ARID1B: variants seen among roughly 807,000 people sequenced by gnomAD.
The protein encoded by ARID1B is AT-rich interaction domain 1B.
ARID1B carries 30 observed loss-of-function variants against 212.3 expected under a neutral mutation model. The ratio of observed to expected loss-of-function variants is 0.14; its 90% CI spans 0.11 to 0.19. The LOEUF is 0.19. ARID1B is among the 10% of genes least tolerant of loss of function. ARID1B has a pLI of 1.00. For missense variants in ARID1B, 2,891 were observed against 3,204.0 expected, an observed-to-expected ratio of 0.90 and a Z score of 2.36; for synonymous variants, 1,402 against 1,301.7, an observed-to-expected ratio of 1.08 and a Z score of -1.66.
chr6:157,123,731 A>T (rs925304740), intron 6 of ARID1B, among the ~76,000 whole-genome samples: 3 of 152,278 alleles, frequency 2.0e-5, no homozygotes, highest in African/African-American at 7.2e-5. Flanking sequence ...TGCATTAAAA[A>T]TAATATGAAT....
intron 6 of ARID1B, among the ~76,000 whole-genome samples, chr6:157,127,289 A>G (rs1473088354): frequency 2.0e-5 from 3 of 152,214 alleles, no homozygotes; most frequent in African/African-American, 4.8e-5. Flanking sequence ...CGTGGAGGCC[A>G]GGATGAGATC....
At chr6:157,106,469 C>T (rs1786492701) in intron 5 of ARID1B, among the ~76,000 whole-genome samples, 1 of 152,204 alleles carries the variant, frequency 6.6e-6, no homozygotes. Flanking sequence ...TCCTGAGATT[C>T]TGGAGGCCTC....
intron 16 of ARID1B, among the ~76,000 whole-genome samples, chr6:157,198,010 A>C (rs1279218660): frequency 6.6e-6 from 1 of 152,240 alleles, no homozygotes; most frequent in African/African-American, 2.4e-5. Context: ...GAATATATTC[A>C]GTCCATTGTT....
At chr6:156,842,925 T>A (rs1783996363) in intron 2 of ARID1B, among the ~76,000 whole-genome samples, 1 of 152,264 alleles carries the variant, frequency 6.6e-6, no homozygotes, top group Non-Finnish European at 1.5e-5. Flanking sequence ...ATTCTGCCTT[T>A]CTATTAGATA....
chr6:156,901,518 C>T lies in ARID1B; in HGVS notation c.2129C>T (p.Pro710Leu), dbSNP rs558155146. The T allele has an allele frequency of 8.1e-6, 13 of 1,613,378 alleles. No homozygotes were observed. Among genetic ancestry groups the T allele is most frequent in the Middle Eastern group, 3.3e-4 (2 of 6,066 alleles). Residue 710 changes from proline (P) to leucine (L), a missense_variant, in exon 3 of 20, where the codon CCG becomes CTG. This residue lies in a region of ARID1B where 1,643 missense variants were observed against 1,544.0 expected (regional missense o/e 1.06). Coordinates refer to ENST00000636930, the MANE Select transcript of ARID1B (RefSeq NM_001374828.1). ...LPSQSQQRYQPQQDMSQEGYG... is the reference protein window; with the variant it reads ...LPSQSQQRYQLQQDMSQEGYG... Reference sequence around the variant, plus strand: ...TCCCAGTCCCAGCAGAGGTACCAGCCGCAGCAGGTGAGCACAGTGCACTGC... The same window carrying T: ...TCCCAGTCCCAGCAGAGGTACCAGCTGCAGCAGGTGAGCACAGTGCACTGC...
intron 2 of ARID1B, among the ~76,000 whole-genome samples, chr6:156,843,975 T>C (rs1355744675): frequency 2.0e-5 from 3 of 152,112 alleles, no homozygotes; most frequent in Admixed American, 2.0e-4. Context: ...TGGATCTTGC[T>C]GTAGGAGTTT....
In ARID1B at chr6:157,111,628, G is replaced by T. The variant is rs549895672; in HGVS notation, c.2581+1067G>T. Reference sequence around the variant, plus strand: ...GATTTGCTTCTGATTAGAATTATGAGGTTTAAGTTATTTTACATGTTACAA... The same window carrying T: ...GATTTGCTTCTGATTAGAATTATGATGTTTAAGTTATTTTACATGTTACAA... On this transcript the variant is annotated intron_variant, in intron 6 of 19. Coordinates refer to ENST00000636930, the MANE Select transcript of ARID1B (RefSeq NM_001374828.1). 2.0e-5 allele frequency among the ~76,000 whole-genome samples: 3 copies of T among 152,098 alleles called. No individual in the cohort carries two copies. In the East Asian group the frequency reaches 5.8e-4, roughly 29 times the overall value.
chr6:157,128,969 T>A (rs903064842), intron 6 of ARID1B, among the ~76,000 whole-genome samples: 2 of 152,226 alleles, frequency 1.3e-5, no homozygotes, highest in Admixed American at 6.5e-5. Context: ...TGTACACAGT[T>A]ACCCAAGTGC....
At chr6:156,848,863 G>A (rs1378861954) in intron 2 of ARID1B, among the ~76,000 whole-genome samples, 2 of 152,180 alleles carry the variant, frequency 1.3e-5, no homozygotes, top group African/African-American at 4.8e-5. Context: ...AATAAAAGAC[G>A]AGTCATCTGA....
intron 4 of ARID1B, among the ~76,000 whole-genome samples, chr6:157,005,135 G>T (rs547833620): frequency 8.7e-4 from 53 of 60,754 alleles, no homozygotes; most frequent in African/African-American, 1.2e-3. Flanking sequence ...GCTGTTTTTT[G>T]TTGTTGTTGT....
intron 5 of ARID1B, among the ~76,000 whole-genome samples, chr6:157,093,085 C>T (rs567937560): frequency 5.5e-4 from 83 of 152,260 alleles, no homozygotes; most frequent in African/African-American, 1.9e-3. Context: ...CTTCTCCCTT[C>T]GCTGAGAATG....
At chr6:156,901,317 T>A in intron 2 of ARID1B, 59 bp from the exon 3 acceptor site, 5 of 1,601,326 alleles carry the variant, frequency 3.1e-6, no homozygotes, top group Non-Finnish European at 4.3e-6. Flanking sequence ...AAACCATATT[T>A]GATTTCATTT....
At chr6:156,896,940 T>C (rs1788452002) in intron 2 of ARID1B, among the ~76,000 whole-genome samples, 2 of 152,262 alleles carry the variant, frequency 1.3e-5, no homozygotes, top group African/African-American at 4.8e-5. Flanking sequence ...TTTGATCATT[T>C]CACTCATTTT....
At chr6:157,196,049 A>C in intron 15 of ARID1B, 116 bp from the exon 16 acceptor site, 1 of 1,315,794 alleles carries the variant, frequency 7.6e-7, no homozygotes. Flanking sequence ...ACAGAGTGAG[A>C]CTCCATCTCA....
At chr6:156,901,108 C>T (rs1033242707) in intron 2 of ARID1B, among the ~76,000 whole-genome samples, 32 of 152,130 alleles carry the variant, frequency 2.1e-4, no homozygotes, top group African/African-American at 7.2e-4. Context: ...AGCACTTCCT[C>T]CCCTCTCCAC....
Position 157,174,980 on chromosome 6 carries a change from G to A in ARID1B, c.3479G>A (p.Gly1160Asp). The A allele has an allele frequency of 6.6e-7, 1 of 1,504,284 alleles. No individual in the cohort carries two copies. Among genetic ancestry groups the A allele is most frequent in the South Asian group, 1.4e-5 (1 of 72,402 alleles). The allele number at this position is 1,504,284 out of a possible 1,614,324, so 93.2% of individuals were successfully genotyped here. The change falls in exon 11 of 20, where the codon GGC (glycine) becomes GAC (aspartate). Residue 1160 changes from glycine to aspartate, a missense_variant. Transcript: ENST00000636930. Reference protein sequence around the residue: ...GDESDSISSPGWPKTPSSPKS... With the variant: ...GDESDSISSPDWPKTPSSPKS... ...GAAAGTGATAGCATTAGCAGCCCAG[G>A]CTGGCCAAAGACTCCATCAAGCCCT...
chr6:157,204,905 T>G (rs908770512), intron 19 of ARID1B: 1 of 152,262 alleles, frequency 6.6e-6, no homozygotes, highest in Non-Finnish European at 1.5e-5. Flanking sequence ...TACTTCTTTC[T>G]TCTCTCATTT....
intron 6 of ARID1B, among the ~76,000 whole-genome samples, chr6:157,126,267 G>A (rs1050087786): frequency 2.6e-5 from 4 of 152,140 alleles, no homozygotes; most frequent in African/African-American, 4.8e-5. Context: ...GATCTTGTAA[G>A]CCAGAGCAAG....
Position 156,778,194 on chromosome 6 carries a change from C to T in ARID1B, c.514C>T (p.His172Tyr), listed in dbSNP as rs751612160. ...CCACCAGCAGCACCACCACCACCAC[C>T]ATGCCCACCACCACCACCACCATGC... ...PPHQQHHHHH[H>Y]AHHHHHHAHH... The change falls in exon 1 of 20, where the codon CAT becomes TAT. Residue 172 changes from histidine to tyrosine, a missense_variant. Around this residue, in one of 7 missense-constraint regions of ARID1B, gnomAD observed 1,643 missense variants for 1,544.0 expected, o/e 1.06. Transcript: ENST00000636930. 1.3e-5 allele frequency: 20 copies of T among 1,540,174 alleles called. No homozygotes were observed. The Admixed American group carries it at 3.7e-4, about 29-fold the overall frequency.
Sources: gnomAD v4.1 joint callset for allele counts (sites outside exome capture counted in the v4.1 genomes callset) on GRCh38, gnomAD v4.1.1 for gene constraint, gnomAD v4.1.1 regional missense constraint, MANE v1.5 for transcripts, NCBI Gene and HGNC (gene_info 2026-07-23, HGNC 2026-07-21) for gene names.